The following GRIP1 variants were observed in gnomAD, a reference collection of about 807,000 sequenced individuals.
GRIP1 encodes the protein glutamate receptor-interacting protein 1.
In GRIP1, 45 loss-of-function variants were observed where a neutral mutation model predicts 129.9. That is an observed-to-expected ratio of 0.35 (90% CI 0.27 to 0.44). GRIP1 has a LOEUF of 0.44. Among genes scored for constraint, GRIP1 ranks in the 20% least tolerant of loss-of-function variants. The pLI is 1.00. For synonymous variants in GRIP1, 530 were observed against 520.8 expected, an observed-to-expected ratio of 1.02 and a Z score of -0.24; for missense variants, 1,196 against 1,396.8, an observed-to-expected ratio of 0.86 and a Z score of 2.29.
chr12:66,717,227 G>T (rs2035917196), intron 1 of GRIP1, among the ~76,000 whole-genome samples: 1 of 152,102 alleles, frequency 6.6e-6, no homozygotes, highest in Admixed American at 6.6e-5. Context: ...GAATTTTGTA[G>T]ACAGAGGGCA....
At chr12:66,639,803 G>A (rs2031760476) in intron 1 of GRIP1, among the ~76,000 whole-genome samples, 1 of 152,078 alleles carries the variant, frequency 6.6e-6, no homozygotes, top group African/African-American at 2.4e-5. Flanking sequence ...ATGAAAATGT[G>A]CAAAAACTAT....
At chr12:66,958,691 T>C (rs1230657171) in intron 1 of GRIP1, among the ~76,000 whole-genome samples, 2 of 152,242 alleles carry the variant, frequency 1.3e-5, no homozygotes, top group African/African-American at 2.4e-5. Flanking sequence ...GTGGATAAAC[T>C]GTAATACCAT....
chr12:67,055,473 A>G (rs1264234022), intron 1 of GRIP1, among the ~76,000 whole-genome samples: 1 of 152,176 alleles, frequency 6.6e-6, no homozygotes, highest in Non-Finnish European at 1.5e-5. Context: ...TGAAAATGAC[A>G]CAAGACAGGG....
At chr12:66,539,028 G>A (rs748926431) in intron 4 of GRIP1, 50 bp downstream of exon 4, 6 of 1,513,950 alleles carry the variant, frequency 4.0e-6, no homozygotes, top group Non-Finnish European at 5.5e-6. Flanking sequence ...GGCATCCACT[G>A]GGGGTCTTGG....
At position 66,590,538 on chromosome 12, in the gene GRIP1, G is replaced by A. The variant is rs1458664868; in HGVS notation, c.136+6309C>T. ...ACCTGCCATAATAAGTAATATGTTC[G>A]GCTCTGCATTGCTCTATTTATAGAC... On this transcript the variant is annotated intron_variant, in intron 2 of 24. Transcript: ENST00000359742. Among the ~76,000 whole-genome samples, 3 of 152,114 alleles carry A rather than the reference G, an allele frequency of 2.0e-5. No individual in the cohort carries two copies. The East Asian group carries it at 5.8e-4, about 29-fold the overall frequency.
intron 2 of GRIP1, among the ~76,000 whole-genome samples, chr12:66,574,915 C>G (rs1161024015): frequency 6.6e-6 from 1 of 152,030 alleles, no homozygotes; most frequent in Admixed American, 6.6e-5. Flanking sequence ...AACAGGCACC[C>G]AGCCACCATG....
intron 1 of GRIP1, among the ~76,000 whole-genome samples, chr12:67,030,479 C>A (rs979787077): frequency 1.3e-5 from 2 of 152,012 alleles, no homozygotes; most frequent in Admixed American, 6.6e-5. Context: ...CCACTTAACA[C>A]GGCTTTTTAT....
Position 66,833,217 on chromosome 12 carries a change from C to G in GRIP1, c.58+235833G>C, listed in dbSNP as rs539978361. Among the ~76,000 whole-genome samples, 3 of 152,318 alleles carry G rather than the reference C, an allele frequency of 2.0e-5. No individual in the cohort carries two copies. The South Asian group carries it at 6.2e-4, about 32-fold the overall frequency. On this transcript the variant is annotated intron_variant, in intron 1 of 1. Transcript: ENST00000643019. The stretch of plus-strand genomic sequence containing the variant: ...AGGTTGTCTAGTTTACAGGGGCCCC[C>G]GGCTACGGTTCTAAAGTAGGGTGTG...
intron 1 of GRIP1, among the ~76,000 whole-genome samples, chr12:66,738,261 C>G (rs2036672825): frequency 6.6e-6 from 1 of 151,576 alleles, no homozygotes; most frequent in Admixed American, 6.6e-5. Flanking sequence ...CCTCTGTGGC[C>G]CAGGCTGGAG....
At chr12:66,382,739 A>T (rs1455023139) in intron 19 of GRIP1, among the ~76,000 whole-genome samples, 1 of 152,212 alleles carries the variant, frequency 6.6e-6, no homozygotes, top group African/African-American at 2.4e-5. Context: ...CAGGAACTAA[A>T]ATGCAAAGGG....
At chr12:66,615,221 C>A (rs2064988452) in intron 1 of GRIP1, among the ~76,000 whole-genome samples, 1 of 151,748 alleles carries the variant, frequency 6.6e-6, no homozygotes, top group Non-Finnish European at 1.5e-5. Context: ...TACAGAAATC[C>A]TATAAAATAA....
At chr12:66,548,459 C>T (rs1464406565) in intron 2 of GRIP1, among the ~76,000 whole-genome samples, 1 of 152,156 alleles carries the variant, frequency 6.6e-6, no homozygotes, top group Non-Finnish European at 1.5e-5. Context: ...TCCATGTACA[C>T]ACATAAATTC....
chr12:66,822,695 T>C (rs2039342105), intron 1 of GRIP1, among the ~76,000 whole-genome samples: 1 of 152,128 alleles, frequency 6.6e-6, no homozygotes, highest in African/African-American at 2.4e-5. Flanking sequence ...ATGATGTCCT[T>C]TGCAGCAACA....
intron 1 of GRIP1, among the ~76,000 whole-genome samples, chr12:66,987,477 A>G (rs1333051765): frequency 6.6e-6 from 1 of 152,208 alleles, no homozygotes; most frequent in Admixed American, 6.5e-5. Flanking sequence ...CAGCCAGAGT[A>G]GAATGCTAAG....
intron 1 of GRIP1, among the ~76,000 whole-genome samples, chr12:66,736,223 T>C (rs2036591587): frequency 6.6e-6 from 1 of 151,954 alleles, no homozygotes; most frequent in South Asian, 2.1e-4. Flanking sequence ...TGGAATACAG[T>C]GGCACCATCA....
chr12:66,949,856 C>T (rs180955495), intron 1 of GRIP1, among the ~76,000 whole-genome samples: 3 of 150,424 alleles, frequency 2.0e-5, no homozygotes, highest in African/African-American at 4.9e-5. Flanking sequence ...CAAGCTCTGC[C>T]TCCCAGTTTC....
chr12:66,393,594 G>T (rs889218781), intron 17 of GRIP1, among the ~76,000 whole-genome samples: 3 of 152,122 alleles, frequency 2.0e-5, no homozygotes, highest in African/African-American at 7.2e-5. Flanking sequence ...CCTGAGCTAG[G>T]TTACTGGAGG....
At chr12:66,759,515 T>C (rs187659526) in intron 1 of GRIP1, among the ~76,000 whole-genome samples, 1 of 152,364 alleles carries the variant, frequency 6.6e-6, no homozygotes, top group African/African-American at 2.4e-5. Context: ...TGCATCCAGC[T>C]TGAATTTCTC....
At chr12:66,624,777 A>G (rs564696587) in intron 1 of GRIP1, among the ~76,000 whole-genome samples, 114 of 152,294 alleles carry the variant, frequency 7.5e-4, no homozygotes, top group African/African-American at 2.7e-3. Context: ...ACATTTTTCT[A>G]TCAGGATTTT....
Sources: gnomAD v4.1 joint callset for allele counts (sites outside exome capture counted in the v4.1 genomes callset) on GRCh38, gnomAD v4.1.1 for gene constraint, MANE v1.5 for transcripts, NCBI Gene and HGNC (gene_info 2026-07-23, HGNC 2026-07-21) for gene names.